PCDHGB5: variants seen among roughly 807,000 people sequenced by gnomAD.
The protein encoded by PCDHGB5 is protocadherin gamma-B5.
Under a neutral mutation model 62.9 loss-of-function variants are expected in PCDHGB5, and 48 were observed. The observed-to-expected ratio is 0.76, with a 90% CI of 0.61 to 0.97. The LOEUF (loss-of-function observed/expected upper bound fraction) is 0.97, where lower values mean the gene tolerates loss of function less well. PCDHGB5 is among the 50% of genes least tolerant of loss of function. PCDHGB5 has a pLI of 0.00. For synonymous variants in PCDHGB5, 474 were observed against 511.2 expected (o/e 0.93, Z 0.98); for missense variants, 1,118 against 1,198.6 (o/e 0.93, Z 0.99).
intron 1 of PCDHGB5, among the ~76,000 whole-genome samples, chr5:141,457,459 CA>C (rs1402759850): frequency 6.6e-6 from 1 of 152,166 alleles, no homozygotes; most frequent in Non-Finnish European, 1.5e-5. Context: ...CCACTTGATT[CA>C]CAGGAATAAG....
At position 141,477,591 on chromosome 5, in the gene PCDHGB5, T is replaced by C; in HGVS notation, c.2398-17216T>C. On this transcript the variant is annotated intron_variant, in intron 1 of 3. Coordinates refer to ENST00000617380, the MANE Select transcript of PCDHGB5 (RefSeq NM_018925.3). This position sits in a 1 kb window ranked among gnomAD's most constrained non-coding sequence, Gnocchi z 4.9. Reference sequence around the variant, plus strand: ...CCCGACGCCCCGCAGAATGCTCGGCTTTCTTTCTTTCTCTTGGAGCAAGGA... The same window carrying C: ...CCCGACGCCCCGCAGAATGCTCGGCCTTCTTTCTTTCTCTTGGAGCAAGGA... The C allele has an allele frequency of 6.2e-7, 1 of 1,614,136 alleles. No homozygotes were observed. The highest frequency in any genetic ancestry group is 8.5e-7 in the Non-Finnish European group (1 of 1,180,016).
chr5:141,497,739 A>G (rs1180122239), intron 2 of PCDHGB5, among the ~76,000 whole-genome samples: 1 of 152,118 alleles, frequency 6.6e-6, no homozygotes, highest in Admixed American at 6.6e-5. Flanking sequence ...GGGTTTCGCC[A>G]CGTTGGCCAG....
At chr5:141,410,393 C>G in intron 1 of PCDHGB5, 3 of 1,614,046 alleles carry the variant, frequency 1.9e-6, no homozygotes, top group Non-Finnish European at 2.5e-6. Flanking sequence ...CCATCCTGGT[C>G]TCTGTGTCAA....
chr5:141,465,574 C>T (rs1477852984), intron 1 of PCDHGB5, among the ~76,000 whole-genome samples: 2 of 152,160 alleles, frequency 1.3e-5, no homozygotes, highest in Admixed American at 1.3e-4. Context: ...TTTCTCAAAA[C>T]ACTCTCATAA....
intron 1 of PCDHGB5, among the ~76,000 whole-genome samples, chr5:141,474,250 A>G (rs2099346141): frequency 6.6e-6 from 1 of 152,236 alleles, no homozygotes; most frequent in East Asian, 1.9e-4. Flanking sequence ...GGGGAAAAAA[A>G]GACTGATAAA....
In PCDHGB5 at chr5:141,399,311, A is replaced by C; in HGVS notation, c.1184A>C (p.Lys395Thr). ...CCTTTTAAGATTATCTCTTCATCCA[A>C]AAATTCGTATAAGTTGGTAACAGAT... ...EVPFKIISSSKNSYKLVTDGT... is the reference protein window; with the variant it reads ...EVPFKIISSSTNSYKLVTDGT... Residue 395 changes from lysine to threonine, a missense_variant, in exon 1 of 4, where the codon AAA becomes ACA. Lys to Thr is a moderately conservative substitution (Grantham distance 78). This residue lies in a region of PCDHGB5 where 1,034 missense variants were observed against 1,029.1 expected (regional missense o/e 1.00). Coordinates refer to ENST00000617380, the MANE Select transcript of PCDHGB5 (RefSeq NM_018925.3). 6.2e-7 allele frequency: 1 copy of C among 1,613,970 alleles called. No homozygotes were observed. The highest frequency in any genetic ancestry group is 8.5e-7 in the Non-Finnish European group (1 of 1,179,896).
chr5:141,442,702 T>G (rs1301940560), intron 1 of PCDHGB5, among the ~76,000 whole-genome samples: 6 of 152,224 alleles, frequency 3.9e-5, no homozygotes, highest in Non-Finnish European at 8.8e-5. Context: ...GACAAGAGTA[T>G]CAGACATGCC....
At chr5:141,427,470 G>A (rs765970767) in intron 1 of PCDHGB5, 8 of 509,992 alleles carry the variant, frequency 1.6e-5, no homozygotes, top group African/African-American at 7.7e-5. Flanking sequence ...CGAATCTTCC[G>A]CCAATAATGA....
At chr5:141,426,586 G>A (rs2096944939) in intron 1 of PCDHGB5, 1 of 363,442 alleles carries the variant, frequency 2.8e-6, no homozygotes, top group African/African-American at 2.1e-5. Flanking sequence ...AAAATCCTCT[G>A]TGTCATACCC....
At chr5:141,406,070 T>A (rs1451280596) in intron 1 of PCDHGB5, among the ~76,000 whole-genome samples, 1 of 136,270 alleles carries the variant, frequency 7.3e-6, no homozygotes, top group Admixed American at 7.2e-5. Flanking sequence ...AAATTCTTAC[T>A]CCTTTTTTTT....
At chr5:141,504,113 C>A (rs568207803) in intron 2 of PCDHGB5, among the ~76,000 whole-genome samples, 1 of 152,220 alleles carries the variant, frequency 6.6e-6, no homozygotes, top group Non-Finnish European at 1.5e-5. Flanking sequence ...TGTGTGTGTG[C>A]CAGGGCTGTT....
chr5:141,423,149 A>G (rs763488632), intron 1 of PCDHGB5: 2 of 1,613,554 alleles, frequency 1.2e-6, no homozygotes, highest in Non-Finnish European at 8.5e-7. Context: ...GCGCTCAAGC[A>G]GAGCCTCGTG....
At chr5:141,510,887 G>C (rs2099883217) in intron 3 of PCDHGB5, 60 bp from the exon 4 acceptor site, 2 of 1,612,600 alleles carry the variant, frequency 1.2e-6, no homozygotes, top group East Asian at 4.5e-5. Context: ...GGGGATATAA[G>C]ACAGTGACTG....
chr5:141,503,401 C>A (rs987421198), intron 2 of PCDHGB5, among the ~76,000 whole-genome samples: 15 of 151,848 alleles, frequency 9.9e-5, no homozygotes, highest in Non-Finnish European at 1.9e-4. Context: ...TCGAAACCAA[C>A]CTGGCCAATA....
intron 1 of PCDHGB5, among the ~76,000 whole-genome samples, chr5:141,447,123 T>TTTTG (rs1327676720): frequency 6.6e-6 from 1 of 152,160 alleles, no homozygotes; most frequent in Admixed American, 6.6e-5. Context: ...CCATGGATTT[T>TTTTG]TTTGTTTGTT....
In PCDHGB5 at chr5:141,512,839, C is replaced by T. The variant is rs141207714; in HGVS notation, c.*1666C>T. ...GACCCCCTCCCCCGTACTGACTTCTCCTATAAGCGCTTCTCTTCGCATAGT... is the reference window on the plus strand; with the variant it reads ...GACCCCCTCCCCCGTACTGACTTCTTCTATAAGCGCTTCTCTTCGCATAGT... On this transcript the variant is annotated 3_prime_UTR_variant, in exon 4 of 4. Transcript: ENST00000617380. 278 of 152,216 alleles carry T rather than the reference C, an allele frequency of 1.8e-3. 2 individuals are homozygous for T. Among genetic ancestry groups the T allele is most frequent in the Middle Eastern group, 0.01 (3 of 292 alleles). 9.4% of individuals were successfully genotyped at this position (152,216 alleles called of 1,614,324 possible). A position where few individuals can be genotyped will look rare whatever the true frequency, so the allele number is the denominator to read the frequency against.
chr5:141,506,834 C>T (rs2099856597), intron 3 of PCDHGB5, among the ~76,000 whole-genome samples: 1 of 152,140 alleles, frequency 6.6e-6, no homozygotes, highest in Non-Finnish European at 1.5e-5. Flanking sequence ...ACTGATAGCC[C>T]TGCCCTCCAG....
At chr5:141,423,577 G>T (rs1348410879) in intron 1 of PCDHGB5, 1 of 1,613,478 alleles carries the variant, frequency 6.2e-7, no homozygotes, top group Admixed American at 1.7e-5. Flanking sequence ...CATCAGCCAG[G>T]AGAGCTGTGA....
intron 1 of PCDHGB5, chr5:141,410,094 C>A: frequency 6.2e-7 from 1 of 1,612,646 alleles, no homozygotes; most frequent in South Asian, 1.1e-5. Context: ...ACGGCTCGAG[C>A]CTTAGGCGAC....
Sources: allele counts gnomAD v4.1 joint callset (sites outside exome capture counted in the v4.1 genomes callset), GRCh38; gene constraint gnomAD v4.1.1; regional missense constraint gnomAD v4.1.1; non-coding constraint Gnocchi (gnomAD v3.1); transcripts MANE v1.5; gene names NCBI Gene and HGNC (gene_info 2026-07-23, HGNC 2026-07-21).